SCAF11: variants seen among roughly 807,000 people sequenced by gnomAD.
The protein encoded by SCAF11 is protein SCAF11.
In SCAF11, 47 loss-of-function variants were observed where a neutral mutation model predicts 140.5. That is an observed-to-expected ratio of 0.33 (90% CI 0.26 to 0.43). The LOEUF (loss-of-function observed/expected upper bound fraction) is 0.43, where lower values mean the gene tolerates loss of function less well. Ranked by LOEUF, SCAF11 falls within the 20% of genes least tolerant of loss-of-function variation. The pLI, the probability that SCAF11 is intolerant of heterozygous loss-of-function variation, is 1.00. For synonymous variants in SCAF11, 557 were observed against 579.4 expected, an observed-to-expected ratio of 0.96 and a Z score of 0.55; for missense variants, 1,645 against 1,705.1, an observed-to-expected ratio of 0.96 and a Z score of 0.62.
intron 6 of SCAF11, chr12:45,944,941 A>G (rs1445860429): frequency 3.3e-6 from 1 of 298,872 alleles, no homozygotes; most frequent in African/African-American, 2.2e-5. Flanking sequence ...TCCCCCAAGG[A>G]CTTCTGCACT....
At chr12:45,990,683 C>T (rs1009123254), upstream of SCAF11, 2 of 906,600 alleles carry the variant, frequency 2.2e-6, no homozygotes, top group East Asian at 3.5e-5. Context: ...CGGCGGCAGC[C>T]GGACTCGCCA....
At chr12:45,973,595 C>CA (rs1343263549) in intron 1 of SCAF11, among the ~76,000 whole-genome samples, 8 of 152,108 alleles carry the variant, frequency 5.3e-5, no homozygotes. Context: ...CCAGAAAAAA[C>CA]AATGATGCAT....
chr12:45,928,839 CA>C lies in SCAF11; in HGVS notation c.861del (p.Tyr287Ter). ...FEHFGTSCKG[Y>X]ALAHTQEGEE... ...TCCCCTTCTTGAGTATGTGCTAATG[CA>C]TATCCCTTGCAAGAAGTACCTAATA... is the stretch of plus-strand genomic sequence containing the variant. On this transcript the variant is annotated frameshift_variant, in exon 11 of 15. Transcript: ENST00000369367. LOFTEE classifies it high-confidence loss of function. 1 of 1,567,796 alleles carries C rather than the reference CA, an allele frequency of 6.4e-7. No homozygotes were observed.
intron 2 of SCAF11, among the ~76,000 whole-genome samples, chr12:45,963,151 G>C (rs988126609): frequency 6.6e-6 from 1 of 152,194 alleles, no homozygotes; most frequent in South Asian, 2.1e-4. Context: ...GTTACAGAAC[G>C]GTCTAACATA....
intron 3 of SCAF11, 94 bp downstream of exon 3, chr12:45,961,606 T>C (rs1417272832): frequency 7.7e-6 from 8 of 1,038,788 alleles, no homozygotes; most frequent in Non-Finnish European, 1.1e-5. Flanking sequence ...AGAAAATACA[T>C]TACTGTGAAA....
chr12:45,926,534 C>G lies in SCAF11; in HGVS notation c.3167G>C (p.Gly1056Ala). The change falls in exon 11 of 15, where the codon GGA becomes GCA. Residue 1056 changes from glycine to alanine, a missense_variant. Physicochemically the swap from Gly to Ala is moderately conservative, Grantham distance 60 (BLOSUM62 0). Coordinates refer to ENST00000369367, the MANE Select transcript of SCAF11 (RefSeq NM_004719.3). ...ACCAAAGTTTTTATTCCAAGAATTTCCTGAATTTTCATTTCTATTTTCTTC... is the reference window on the plus strand; with the variant it reads ...ACCAAAGTTTTTATTCCAAGAATTTGCTGAATTTTCATTTCTATTTTCTTC... ...HWEENRNENS[G>A]NSWNKNFGSG... is the part of the protein sequence containing the mutation. The G allele has an allele frequency of 1.2e-6, 2 of 1,613,028 alleles. No individual in the cohort carries two copies. The highest frequency in any genetic ancestry group is 1.7e-6 in the Non-Finnish European group (2 of 1,179,806).
At chr12:45,988,365 T>C (rs147204397) in intron 1 of SCAF11, among the ~76,000 whole-genome samples, 5 of 152,324 alleles carry the variant, frequency 3.3e-5, no homozygotes, top group African/African-American at 1.2e-4. Context: ...ATGGGTAGTA[T>C]AGTACTGTAT....
At chr12:45,948,414 C>G in intron 5 of SCAF11, 23 bp downstream of exon 5, 3 of 1,487,980 alleles carry the variant, frequency 2.0e-6, no homozygotes, top group Non-Finnish European at 2.8e-6. Flanking sequence ...ATTTGCATTC[C>G]ACTTCTAAAG....
In SCAF11 at chr12:45,928,629, C is replaced by T. The variant is rs770545930; in HGVS notation, c.1072G>A (p.Val358Ile). 4 of 1,613,892 alleles carry T rather than the reference C, an allele frequency of 2.5e-6. No homozygotes were observed. The highest frequency in any genetic ancestry group is 8.5e-7 in the Non-Finnish European group (1 of 1,179,986). The change falls in exon 11 of 15, where the codon GTT (valine) becomes ATT (isoleucine). Residue 358 changes from valine to isoleucine, a missense_variant. Transcript: ENST00000369367. Reference sequence around the variant, plus strand: ...TTTTCTGACTCAGCTGAAGAGGGAACACTTAAAGATGGATTACTGTTACCT... The same window carrying T: ...TTTTCTGACTCAGCTGAAGAGGGAATACTTAAAGATGGATTACTGTTACCT... ...APGNSNPSLSVPSSAESEKQT... is the reference protein window; with the variant it reads ...APGNSNPSLSIPSSAESEKQT...
At chr12:45,956,707 A>T (rs1945699098) in intron 3 of SCAF11, among the ~76,000 whole-genome samples, 1 of 152,176 alleles carries the variant, frequency 6.6e-6, no homozygotes, top group African/African-American at 2.4e-5. Flanking sequence ...ATTACATGTA[A>T]TCTTAATTTA....
chr12:45,926,309 A>G lies in SCAF11; in HGVS notation c.3392T>C (p.Phe1131Ser). The G allele has an allele frequency of 6.2e-7, 1 of 1,614,118 alleles. No individual in the cohort carries two copies. The highest frequency in any genetic ancestry group is 8.5e-7 in the Non-Finnish European group (1 of 1,180,012). ...TCTATCTGCTGGTGTATCAAATGAG[A>G]ACTCCTGTTCACTTTTTCGCTTATA... ...QSYKRKSEQE[F>S]SFDTPADRSG... The change falls in exon 11 of 15, where the codon TTC becomes TCC. Residue 1131 changes from phenylalanine to serine, a missense_variant. This residue lies in a region of SCAF11 where 1,582 missense variants were observed against 1,609.2 expected (regional missense o/e 0.98). Coordinates refer to ENST00000369367, the MANE Select transcript of SCAF11 (RefSeq NM_004719.3).
At chr12:45,929,964 T>G (rs1389159696) in intron 10 of SCAF11, 2 of 152,240 alleles carry the variant, frequency 1.3e-5, no homozygotes, top group Non-Finnish European at 2.9e-5. Context: ...TAACTGTTAT[T>G]CACCAGACTC....
rs967808144 is a variant in SCAF11, at chr12:45,919,447, G to A, written c.*2601C>T. On this transcript the variant is annotated 3_prime_UTR_variant, in exon 15 of 15. Transcript: ENST00000369367. The stretch of plus-strand genomic sequence containing the variant: ...TTCTAGGCATTTCTATAAAACATTG[G>A]TCAATGTGACTAGTAAGTTAACGGG... The A allele has an allele frequency of 1.3e-5, 2 of 152,622 alleles. No individual in the cohort carries two copies. The highest frequency in any genetic ancestry group is 2.1e-4 in the South Asian group (1 of 4,826). The allele number at this position is 152,622 out of a possible 1,614,324, so 9.5% of individuals were successfully genotyped here. A position where few individuals can be genotyped will look rare whatever the true frequency, so the allele number is the denominator to read the frequency against.
chr12:45,960,008 G>C (rs890844353), intron 3 of SCAF11, among the ~76,000 whole-genome samples: 1 of 152,158 alleles, frequency 6.6e-6, no homozygotes, highest in African/African-American at 2.4e-5. Context: ...TTACATGCGG[G>C]AAAGGTGTTG....
At chr12:45,957,191 G>A (rs1175174455) in intron 3 of SCAF11, among the ~76,000 whole-genome samples, 1 of 152,170 alleles carries the variant, frequency 6.6e-6, no homozygotes, top group Non-Finnish European at 1.5e-5. Flanking sequence ...CTACATAACA[G>A]AGGTGTCTGG....
At chr12:45,959,321 AT>A (rs944744377) in intron 3 of SCAF11, among the ~76,000 whole-genome samples, 4 of 152,140 alleles carry the variant, frequency 2.6e-5, no homozygotes, top group African/African-American at 9.7e-5. Flanking sequence ...CCACAAACCA[AT>A]TTTTTAAAAA....
At chr12:45,923,979 T>C (rs1387485141) in intron 12 of SCAF11, among the ~76,000 whole-genome samples, 1 of 152,158 alleles carries the variant, frequency 6.6e-6, no homozygotes, top group African/African-American at 2.4e-5. Flanking sequence ...ACCTCCTTAG[T>C]AGCTGGGATT....
rs1429281240 is a variant in SCAF11, at chr12:45,933,174, G to C, written c.691C>G (p.Leu231Val). The C allele has an allele frequency of 7.4e-6, 12 of 1,611,452 alleles. No homozygotes were observed. The highest frequency in any genetic ancestry group is 9.3e-6 in the Non-Finnish European group (11 of 1,178,948). Residue 231 changes from leucine (L) to valine (V), a missense_variant, in exon 9 of 15, where the codon CTG (leucine) becomes GTG (valine). Leu to Val is a conservative substitution (Grantham distance 32). Coordinates refer to ENST00000369367, the MANE Select transcript of SCAF11 (RefSeq NM_004719.3). ...GTATCAGGAAACCATGACAATTCCA[G>C]TTCATGTCTCTTCTGCCTAATCAAT... ...SALIRQKRHE[L>V]ELSWFPDTLP... is the part of the protein sequence containing the mutation.
chr12:45,961,043 T>C, intron 3 of SCAF11: 1 of 341,606 alleles, frequency 2.9e-6, no homozygotes. Flanking sequence ...GTCAACATAA[T>C]ACATTAAAAG....
Sources: gnomAD v4.1 joint callset for allele counts (sites outside exome capture counted in the v4.1 genomes callset) on GRCh38, gnomAD v4.1.1 for gene constraint, gnomAD v4.1.1 regional missense constraint, MANE v1.5 for transcripts, NCBI Gene and HGNC (gene_info 2026-07-23, HGNC 2026-07-21) for gene names.